Variants in QTMAN observed in about 807,000 individuals in gnomAD.
QTMAN encodes the protein tRNA-queuosine alpha-mannosyltransferase.
At chr2:143,975,366 T>C in the QTMAN span, among the ~76,000 whole-genome samples, 3 of 152,336 alleles carry the variant, frequency 2.0e-5, no homozygotes, top group East Asian at 5.8e-4. Flanking sequence ...GAATACAATC[T>C]CCTTAGTCTC....
At chr2:144,155,184 T>C in the QTMAN span, among the ~76,000 whole-genome samples, 1 of 152,176 alleles carries the variant, frequency 6.6e-6, no homozygotes, top group Non-Finnish European at 1.5e-5. Context: ...TTTCAGGCAC[T>C]GTTCTCTGCT....
At chr2:144,097,292 TC>T in the QTMAN span, among the ~76,000 whole-genome samples, 1 of 152,228 alleles carries the variant, frequency 6.6e-6, no homozygotes, top group African/African-American at 2.4e-5. Context: ...AAATATTTAT[TC>T]CCATTCATCC....
the QTMAN span, among the ~76,000 whole-genome samples, chr2:144,001,642 G>T: frequency 0.029 from 4,460 of 151,812 alleles, 214 homozygotes; most frequent in African/African-American, 0.1. Context: ...TTCTTAACAA[G>T]AATGCATCCA....
the QTMAN span, among the ~76,000 whole-genome samples, chr2:143,976,740 T>G: frequency 6.6e-6 from 1 of 152,240 alleles, no homozygotes; most frequent in African/African-American, 2.4e-5. Flanking sequence ...TCTTCTTTTC[T>G]CTCTTTTGGC....
At chr2:144,077,596 T>C in the QTMAN span, among the ~76,000 whole-genome samples, 8 of 152,228 alleles carry the variant, frequency 5.3e-5, no homozygotes, top group Non-Finnish European at 1.2e-4. Context: ...AATTGCTTTT[T>C]CAGAAATTGT....
the QTMAN span, among the ~76,000 whole-genome samples, chr2:144,143,454 T>C: frequency 1.3e-5 from 2 of 152,002 alleles, no homozygotes; most frequent in Non-Finnish European, 2.9e-5. Context: ...AAATTTACTA[T>C]TACAATGTTA....
chr2:144,030,937 G>T, the QTMAN span, among the ~76,000 whole-genome samples: 1 of 152,148 alleles, frequency 6.6e-6, no homozygotes, highest in Admixed American at 6.5e-5. Flanking sequence ...AAGCTAAGAG[G>T]CATGTTGTCT....
At chr2:144,179,374 T>C in the QTMAN span, among the ~76,000 whole-genome samples, 1 of 152,220 alleles carries the variant, frequency 6.6e-6, no homozygotes, top group East Asian at 1.9e-4. Flanking sequence ...CTTGCTCAAT[T>C]GTTTTGAAAA....
chr2:144,196,703 T>C, the QTMAN span, among the ~76,000 whole-genome samples: 3 of 152,220 alleles, frequency 2.0e-5, no homozygotes, highest in Admixed American at 1.3e-4. Context: ...GCCTAGCACG[T>C]AATGAGTGTT....
At chr2:144,322,682 T>C in the QTMAN span, among the ~76,000 whole-genome samples, 2 of 152,216 alleles carry the variant, frequency 1.3e-5, no homozygotes, top group Non-Finnish European at 1.5e-5. Context: ...TAGATGTTCT[T>C]TTTTGATACT....
the QTMAN span, among the ~76,000 whole-genome samples, chr2:144,171,210 T>C: frequency 6.6e-6 from 1 of 152,186 alleles, no homozygotes; most frequent in South Asian, 2.1e-4. Flanking sequence ...GCTATTATTA[T>C]CACGTCTGGC....
chr2:143,991,449 C>A, the QTMAN span, among the ~76,000 whole-genome samples: 20 of 146,766 alleles, frequency 1.4e-4, no homozygotes, highest in African/African-American at 4.8e-4. Flanking sequence ...GTCAGCCCCC[C>A]ACCCGGCCAG....
the QTMAN span, among the ~76,000 whole-genome samples, chr2:144,102,921 G>C: frequency 3.3e-5 from 5 of 152,130 alleles, no homozygotes; most frequent in African/African-American, 1.2e-4. Context: ...AAACCATGAG[G>C]GGAGTGCAGC....
the QTMAN span, among the ~76,000 whole-genome samples, chr2:144,089,160 T>C: frequency 2.6e-4 from 39 of 151,606 alleles, no homozygotes; most frequent in Non-Finnish European, 5.0e-4. Context: ...AGGACATGAG[T>C]AGACATTTCT....
the QTMAN span, chr2:144,141,766 C>T: frequency 1.4e-6 from 1 of 706,980 alleles, no homozygotes; most frequent in Non-Finnish European, 2.4e-6. Context: ...GAACTTAATT[C>T]TCTAACTAAC....
the QTMAN span, among the ~76,000 whole-genome samples, chr2:143,971,316 T>C: frequency 6.6e-6 from 1 of 152,216 alleles, no homozygotes; most frequent in South Asian, 2.1e-4. Context: ...TTTTAAGTAA[T>C]TGAATGGAGA....
At chr2:144,046,851 T>C in the QTMAN span, among the ~76,000 whole-genome samples, 1 of 152,232 alleles carries the variant, frequency 6.6e-6, no homozygotes, top group Admixed American at 6.5e-5. Context: ...TTAACGGTAC[T>C]TATGAAGAAA....
chr2:144,262,036 G>C, the QTMAN span, among the ~76,000 whole-genome samples: 2 of 152,170 alleles, frequency 1.3e-5, no homozygotes, highest in Non-Finnish European at 2.9e-5. Flanking sequence ...AAAATGGAAA[G>C]TAAGATTGTA....
chr2:144,154,309 C>T, the QTMAN span, among the ~76,000 whole-genome samples: 6 of 152,024 alleles, frequency 3.9e-5, no homozygotes, highest in South Asian at 2.1e-4. Context: ...CATGCAGGAG[C>T]GAGCCTCCTG....
Sources: gnomAD v4.1 joint callset for allele counts (sites outside exome capture counted in the v4.1 genomes callset) on GRCh38, gnomAD v4.1.1 for gene constraint, MANE v1.5 for transcripts, NCBI Gene and HGNC (gene_info 2026-07-23, HGNC 2026-07-21) for gene names.